The following EXOC7 variants were observed in gnomAD, a reference collection of about 807,000 sequenced individuals.
EXOC7 encodes the protein exocyst complex component 7, also known as exocyst complex component Exo70.
In EXOC7, 51 loss-of-function variants were observed where a neutral mutation model predicts 87.6. The observed-to-expected ratio is 0.58, with a 90% CI of 0.46 to 0.73. EXOC7 has a LOEUF of 0.73. Among genes scored for constraint, EXOC7 ranks in the 30% least tolerant of loss-of-function variants. EXOC7 has a pLI of 0.00. For missense variants in EXOC7, 744 were observed against 888.4 expected (o/e 0.84, Z 2.07); for synonymous variants, 327 against 357.1 (o/e 0.92, Z 0.95).
intron 7 of EXOC7, 142 bp downstream of exon 7, chr17:76,091,001 G>A (rs563915648): frequency 5.9e-5 from 43 of 724,818 alleles, no homozygotes; most frequent in Admixed American, 1.9e-4. Flanking sequence ...GCTGAAGCCC[G>A]AGTGGCATCG....
Position 76,084,138 on chromosome 17 carries a change from C to G in EXOC7, c.1820G>C (p.Gly607Ala), listed in dbSNP as rs765189872. Residue 607 changes from glycine (G) to alanine (A), a missense_variant and splice_region_variant, in exon 18 of 19, where the codon GGC becomes GCC. Physicochemically the swap from Gly to Ala is moderately conservative, Grantham distance 60. This residue lies in a region of EXOC7 where 228 missense variants were observed against 298.6 expected (regional missense o/e 0.76). Transcript: ENST00000589210. ...ERQIIKERFK[G>A]FNDGLEELCK... ...CAGTTCTTCGAGGCCATCATTGAAG[C>G]CCTGGCCACCAAAAAGGTGAAAAAG... is the stretch of plus-strand genomic sequence containing the variant. 1 of 1,596,364 alleles carries G rather than the reference C, an allele frequency of 6.3e-7. No homozygotes were observed. The highest frequency in any genetic ancestry group is 8.5e-7 in the Non-Finnish European group (1 of 1,172,204).
intron 1 of EXOC7, 97 bp from the exon 2 acceptor site, chr17:76,103,523 C>G: frequency 6.4e-7 from 1 of 1,557,748 alleles, no homozygotes; most frequent in South Asian, 1.2e-5. Context: ...CCCATCTCCT[C>G]GCTGGGTGCG....
chr17:76,091,442 C>T (rs192908112), intron 6 of EXOC7: 43 of 571,514 alleles, frequency 7.5e-5, no homozygotes, highest in Non-Finnish European at 1.2e-4. Context: ...GATTCTACTA[C>T]CGACCCTCCT....
rs545717539 is a variant in EXOC7 at position 76,090,235 on chromosome 17, G to A, written c.901+908C>T. ...AGGCCTGGCCCATCCTCAGAGCAGA[G>A]TGGGCCCAGCTGGGCCAGGCAGGAG... is the stretch of plus-strand genomic sequence containing the variant. On this transcript the variant is annotated intron_variant, in intron 7 of 18. Transcript: ENST00000589210. 2.5e-4 allele frequency: 353 copies of A among 1,401,304 alleles called. 1 individual carries two copies. The African/African-American group carries it at 4.7e-3, about 19-fold the overall frequency. The allele number at this position is 1,401,304 out of a possible 1,614,324, so 86.8% of individuals were successfully genotyped here. A position where few individuals can be genotyped will look rare whatever the true frequency, so the allele number is the denominator to read the frequency against.
At position 76,082,600 on chromosome 17, in the gene EXOC7, T is replaced by G; in HGVS notation, c.*1048A>C. 2 of 1,613,486 alleles carry G rather than the reference T, an allele frequency of 1.2e-6. No individual in the cohort carries two copies. Among genetic ancestry groups the G allele is most frequent in the Non-Finnish European group, 1.7e-6 (2 of 1,179,884 alleles). On this transcript the variant is annotated 3_prime_UTR_variant, in exon 19 of 19. Transcript: ENST00000589210. ...AATCTGGATGTGGGCAGCGTGCAAG[T>G]CTGACGCAGCCCCTGGAGAGGCTGC...
In EXOC7 at chr17:76,097,294, G is replaced by A. The variant is rs1321631703; in HGVS notation, c.640+502C>T. On this transcript the variant is annotated intron_variant, in intron 5 of 18. Coordinates refer to ENST00000589210, the MANE Select transcript of EXOC7 (RefSeq NM_001013839.4). ...GAACATAAAAATCAAGACAAGAAAA[G>A]TTTGAATTTGCCTAGATTCACCACT... is the stretch of plus-strand genomic sequence containing the variant. Among the ~76,000 whole-genome samples, 4 of 152,138 alleles carry A rather than the reference G, an allele frequency of 2.6e-5. No individual in the cohort carries two copies. The South Asian group carries it at 6.2e-4, about 24-fold the overall frequency.
chr17:76,085,537 C>T (rs2598450), intron 14 of EXOC7, 128 bp from the exon 15 acceptor site: 900,938 of 1,507,492 alleles, frequency 0.6, 271,528 homozygotes, highest in South Asian at 0.69. Context: ...TCCCACCTTC[C>T]GGGTCCTGGG....
At chr17:76,098,495 T>C (rs35122666) in intron 4 of EXOC7, among the ~76,000 whole-genome samples, 1,605 of 152,218 alleles carry the variant, frequency 0.011, 19 homozygotes, top group Middle Eastern at 0.027. Flanking sequence ...GTGACTCCTT[T>C]ACTTCATGTT....
intron 5 of EXOC7, 37 bp from the exon 6 acceptor site, chr17:76,094,618 G>A: frequency 4.4e-6 from 7 of 1,589,724 alleles, no homozygotes; most frequent in Non-Finnish European, 6.0e-6. Flanking sequence ...ACGGCTGCCA[G>A]GCCCTGTCTC....
intron 11 of EXOC7, 160 bp from the exon 12 acceptor site, chr17:76,087,880 G>T (rs1242197162): frequency 1.1e-6 from 1 of 937,718 alleles, no homozygotes. Context: ...GCCAGGAAAG[G>T]CCCTGTCTGC....
In EXOC7 at chr17:76,085,786, C is replaced by T; in HGVS notation, c.1507G>A (p.Gly503Ser). The change falls in exon 14 of 19, where the codon GGC (glycine) becomes AGC (serine). Residue 503 changes from glycine (G) to serine (S), a missense_variant. Coordinates refer to ENST00000589210, the MANE Select transcript of EXOC7 (RefSeq NM_001013839.4). ...LLSTYICKVLGNLQLNLLSKS... is the reference protein window; with the variant it reads ...LLSTYICKVLSNLQLNLLSKS... ...CTCAGCAAGTTCAACTGCAGGTTGC[C>T]CAGCACTTTACCTGCACAGGGAAAA... 6.2e-7 allele frequency: 1 copy of T among 1,613,102 alleles called. No homozygotes were observed. Among genetic ancestry groups the T allele is most frequent in the Non-Finnish European group, 8.5e-7 (1 of 1,179,616 alleles).
At position 76,081,678 on chromosome 17, in the gene EXOC7, T is replaced by C. The variant is rs767876132; in HGVS notation, c.*1970A>G. 3.1e-6 allele frequency: 5 copies of C among 1,613,998 alleles called. No individual in the cohort carries two copies. The African/African-American group carries it at 6.7e-5, about 22-fold the overall frequency. On this transcript the variant is annotated 3_prime_UTR_variant, in exon 19 of 19. Coordinates refer to ENST00000589210, the MANE Select transcript of EXOC7 (RefSeq NM_001013839.4). The stretch of plus-strand genomic sequence containing the variant: ...GAGCGCATAGGCTACAAGGTGACAT[T>C]GCTGCTGAGTTACCTCGTCCTCCAC...
chr17:76,086,152 G>T lies in EXOC7; in HGVS notation c.1430-7C>A. On this transcript the variant is annotated splice_polypyrimidine_tract_variant and splice_region_variant and intron_variant, in intron 12 of 18. Coordinates refer to ENST00000589210, the MANE Select transcript of EXOC7 (RefSeq NM_001013839.4). ...GTGGCCGAAGAGCTGGTCTCTGTGAGAGGAGAAGTCCTGTTATTGCAGTGG... is the reference window on the plus strand; with the variant it reads ...GTGGCCGAAGAGCTGGTCTCTGTGATAGGAGAAGTCCTGTTATTGCAGTGG... 3 of 1,613,282 alleles carry T rather than the reference G, an allele frequency of 1.9e-6. No individual in the cohort carries two copies. Among genetic ancestry groups the T allele is most frequent in the Non-Finnish European group, 1.7e-6 (2 of 1,179,908 alleles).
intron 12 of EXOC7, 100 bp from the exon 13 acceptor site, chr17:76,086,245 G>T (rs2067207069): frequency 1.7e-6 from 2 of 1,177,234 alleles, no homozygotes; most frequent in Non-Finnish European, 2.5e-6. Context: ...ACTGAGACAG[G>T]CCCTGGGCTT....
intron 3 of EXOC7, 102 bp downstream of exon 3, chr17:76,101,577 G>T: frequency 2.8e-6 from 4 of 1,429,500 alleles, no homozygotes; most frequent in Non-Finnish European, 3.8e-6. Flanking sequence ...AGTCTCAAGC[G>T]ATCCTCCCAC....
At position 76,096,387 on chromosome 17, in the gene EXOC7, C is replaced by T. The variant is rs1598335164; in HGVS notation, c.640+1409G>A. 6.6e-5 allele frequency among the ~76,000 whole-genome samples: 10 copies of T among 151,954 alleles called. No individual in the cohort carries two copies. The South Asian group carries it at 2.1e-3, about 32-fold the overall frequency. On this transcript the variant is annotated intron_variant, in intron 5 of 18. Transcript: ENST00000589210. ...AAAATTAGCTGGGCATGGTGGCGGG[C>T]ACCTGTAACCCCAGCTACTTGGGAG...
intron 4 of EXOC7, among the ~76,000 whole-genome samples, chr17:76,099,274 G>A (rs2067939073): frequency 6.6e-6 from 1 of 152,208 alleles, no homozygotes; most frequent in African/African-American, 2.4e-5. Flanking sequence ...GGGAGGCCGA[G>A]GCAAGCAGAT....
At chr17:76,103,228 G>A (rs1333303630) in intron 2 of EXOC7, 133 bp downstream of exon 2, 3 of 786,328 alleles carry the variant, frequency 3.8e-6, no homozygotes, top group Non-Finnish European at 4.2e-6. Context: ...ACTGTTGCTA[G>A]ATAAACCCAC....
At chr17:76,088,604 T>C in intron 9 of EXOC7, 42 bp from the exon 10 acceptor site, 1 of 1,599,964 alleles carries the variant, frequency 6.3e-7, no homozygotes, top group African/African-American at 1.3e-5. Context: ...CTCCAGTCGC[T>C]CTGTGAGCAT....
Sources: allele counts gnomAD v4.1 joint callset (sites outside exome capture counted in the v4.1 genomes callset), GRCh38; gene constraint gnomAD v4.1.1; regional missense constraint gnomAD v4.1.1; transcripts MANE v1.5; gene names NCBI Gene and HGNC (gene_info 2026-07-23, HGNC 2026-07-21).